Variants in BTNL9 observed in about 807,000 individuals in gnomAD.
BTNL9 encodes butyrophilin like 9, also known as butyrophilin-like protein 9.
In BTNL9, 45 loss-of-function variants were observed where a neutral mutation model predicts 45.8. That is an observed-to-expected ratio of 0.98 (90% confidence interval 0.77 to 1.26). The LOEUF (loss-of-function observed/expected upper bound fraction) is 1.26. BTNL9 is among the 50% of genes most tolerant of loss of function. The pLI is 0.00. For missense variants in BTNL9, 784 were observed against 729.7 expected (o/e 1.07, Z -0.86); for synonymous variants, 346 against 330.8 (o/e 1.05, Z -0.50).
rs1040157951 is a variant in BTNL9 at position 181,059,403 on chromosome 5, C to T, written c.1149C>T (p.Arg383=). The part of the protein sequence containing the change: ...ALSLERFSAG[R]HYWEVHVGRR... Reference sequence around the variant, plus strand: ...GCCTGGAGCGGTTCTCCGCCGGCCGCCACTACTGGGAGGTGCACGTGGGCC... The same window carrying T: ...GCCTGGAGCGGTTCTCCGCCGGCCGTCACTACTGGGAGGTGCACGTGGGCC... Residue 383 remains arginine (R), a synonymous_variant, in exon 11 of 11, where the codon CGC becomes CGT. Coordinates refer to ENST00000327705, the MANE Select transcript of BTNL9 (RefSeq NM_152547.5). The T allele has an allele frequency of 6.6e-7, 1 of 1,525,870 alleles. No individual in the cohort carries two copies. The highest frequency in any genetic ancestry group is 2.0e-5 in the Admixed American group (1 of 49,658). The allele number at this position is 1,525,870 out of a possible 1,614,324, so 94.5% of individuals were successfully genotyped here. A position where few individuals can be genotyped will look rare whatever the true frequency, so the allele number is the denominator to read the frequency against.
rs1180763777 is a variant in BTNL9, at chr5:181,050,061, C to T, written c.455-27C>T. The T allele has an allele frequency of 1.2e-6, 2 of 1,602,802 alleles. No individual in the cohort carries two copies. The highest frequency in any genetic ancestry group is 1.7e-6 in the Non-Finnish European group (2 of 1,174,236). On this transcript the variant is annotated intron_variant, in intron 3 of 10. Transcript: ENST00000327705. This position sits in a 1 kb window ranked among gnomAD's most constrained non-coding sequence, Gnocchi z 4.9. The stretch of plus-strand genomic sequence containing the variant: ...CGTGATTTCTCAGAAGAAGCCTGAC[C>T]TTTCCCACTCCTCCTGCCTCCACCA...
intron 6 of BTNL9, chr5:181,054,014 G>A: frequency 6.5e-7 from 1 of 1,540,248 alleles, no homozygotes; most frequent in Non-Finnish European, 8.7e-7. Context: ...AGGAGGGAGG[G>A]CGCTGGGTCA....
Position 181,053,610 on chromosome 5 carries a change from G to C in BTNL9, c.886+109G>C. 6.5e-7 allele frequency: 1 copy of C among 1,547,566 alleles called. No individual in the cohort carries two copies. ...GGGTTTATTCCAGCGCGAGGTGTCA[G>C]GGCGGCCACCGGGGAACGGGGATCG... On this transcript the variant is annotated intron_variant, in intron 6 of 10. Transcript: ENST00000327705. This position sits in a 1 kb window ranked among gnomAD's most constrained non-coding sequence, Gnocchi z 6.5.
intron 3 of BTNL9, among the ~76,000 whole-genome samples, chr5:181,049,726 G>A (rs1027795985): frequency 2.0e-5 from 3 of 152,182 alleles, no homozygotes; most frequent in African/African-American, 7.2e-5. Context: ...AGCTCTGGGG[G>A]AATTCAAGAG....
chr5:181,047,445 C>A, intron 2 of BTNL9: 1 of 975,754 alleles, frequency 1.0e-6, no homozygotes, highest in Non-Finnish European at 1.2e-6. Context: ...ATCAGACAAG[C>A]AAAAATGAGA....
rs1762102154 is a variant in BTNL9, at chr5:181,060,377, A to C, written c.*515A>C. 1 of 152,580 alleles carries C rather than the reference A, an allele frequency of 6.6e-6. No homozygotes were observed. The highest frequency in any genetic ancestry group is 1.9e-4 in the East Asian group (1 of 5,200). The allele number at this position is 152,580 out of a possible 1,614,324, so 9.5% of individuals were successfully genotyped here. ...GAACAGCTGCTTCTGGAGCCGGGGCAAAAATTTCAAGGTGAGCCTGGAGCA... is the reference window on the plus strand; with the variant it reads ...GAACAGCTGCTTCTGGAGCCGGGGCCAAAATTTCAAGGTGAGCCTGGAGCA... On this transcript the variant is annotated 3_prime_UTR_variant, in exon 11 of 11. Transcript: ENST00000327705.
chr5:181,058,436 GGA>G, intron 10 of BTNL9, 58 bp downstream of exon 10: 1 of 1,611,688 alleles, frequency 6.2e-7, no homozygotes, highest in Non-Finnish European at 8.5e-7. Flanking sequence ...TAAACAGAAG[GGA>G]GGTGGAGAGA....
In BTNL9 at chr5:181,061,512, T is replaced by G. The variant is rs966622062; in HGVS notation, c.*1650T>G. 6.6e-6 allele frequency: 1 copy of G among 152,204 alleles called. No homozygotes were observed. Among genetic ancestry groups the G allele is most frequent in the African/African-American group, 2.4e-5 (1 of 41,460 alleles). The allele number at this position is 152,204 out of a possible 1,614,324, so 9.4% of individuals were successfully genotyped here. On this transcript the variant is annotated 3_prime_UTR_variant, in exon 11 of 11. Transcript: ENST00000327705. ...AGTTCTGTAATAAAGGGGAAAACACTTTTTTTAAATACTCATATTCAAAAT... is the reference window on the plus strand; with the variant it reads ...AGTTCTGTAATAAAGGGGAAAACACGTTTTTTAAATACTCATATTCAAAAT...
chr5:181,049,840 T>C (rs1582131226), intron 3 of BTNL9, among the ~76,000 whole-genome samples: 1 of 152,214 alleles, frequency 6.6e-6, no homozygotes, highest in African/African-American at 2.4e-5. Flanking sequence ...CAGGAGCCCT[T>C]CCCCACCCAA....
In BTNL9 at chr5:181,050,232, C is replaced by T. The variant is rs746263568; in HGVS notation, c.599C>T (p.Ala200Val). 1.2e-6 allele frequency: 2 copies of T among 1,614,126 alleles called. No homozygotes were observed. Among genetic ancestry groups the T allele is most frequent in the Non-Finnish European group, 1.7e-6 (2 of 1,180,032 alleles). Residue 200 changes from alanine (A) to valine (V), a missense_variant, in exon 4 of 11, where the codon GCC (alanine) becomes GTC (valine). Physicochemically the swap from Ala to Val is moderately conservative, Grantham distance 64 (BLOSUM62 0). Coordinates refer to ENST00000327705, the MANE Select transcript of BTNL9 (RefSeq NM_152547.5). This position sits in a 1 kb window ranked among gnomAD's most constrained non-coding sequence, Gnocchi z 4.9. ...QGQCLPPEFE[A>V]IVWDAQDLFS... is the part of the protein sequence containing the mutation. The stretch of plus-strand genomic sequence containing the variant: ...CAGTGCCTGCCTCCAGAGTTTGAAG[C>T]CATCGTCTGGGATGCCCAGGACCTG...
rs1762109482 is a variant in BTNL9 at position 181,060,687 on chromosome 5, C to T, written c.*825C>T. ...GAACAGGCTGTTTCCAGTCTCAAAG[C>T]AGTAACCTTATACACTACTTATAAG... is the stretch of plus-strand genomic sequence containing the variant. On this transcript the variant is annotated 3_prime_UTR_variant, in exon 11 of 11. Transcript: ENST00000327705. 1 of 152,160 alleles carries T rather than the reference C, an allele frequency of 6.6e-6. No individual in the cohort carries two copies. The highest frequency in any genetic ancestry group is 2.1e-4 in the South Asian group (1 of 4,830). 9.4% of individuals were successfully genotyped at this position (152,160 alleles called of 1,614,324 possible). A position where few individuals can be genotyped will look rare whatever the true frequency, so the allele number is the denominator to read the frequency against.
At chr5:181,058,940 G>T (rs1762017638) in intron 10 of BTNL9, among the ~76,000 whole-genome samples, 1 of 151,962 alleles carries the variant, frequency 6.6e-6, no homozygotes, top group Admixed American at 6.6e-5. Flanking sequence ...CCTTCCCCTT[G>T]ACCGGGACGT....
chr5:181,050,401 T>C lies in BTNL9; in HGVS notation c.736+32T>C, dbSNP rs765755763. On this transcript the variant is annotated intron_variant, in intron 4 of 10. Coordinates refer to ENST00000327705, the MANE Select transcript of BTNL9 (RefSeq NM_152547.5). This position sits in a 1 kb window ranked among gnomAD's most constrained non-coding sequence, Gnocchi z 4.9. Reference sequence around the variant, plus strand: ...GGCTGTTAGCTCACACCCATCTTCCTAGTCCTCATGTGTACATACACATTG... The same window carrying C: ...GGCTGTTAGCTCACACCCATCTTCCCAGTCCTCATGTGTACATACACATTG... The C allele has an allele frequency of 6.2e-7, 1 of 1,607,576 alleles. No homozygotes were observed. The highest frequency in any genetic ancestry group is 1.3e-5 in the African/African-American group (1 of 74,872).
In BTNL9 at chr5:181,053,783, C is replaced by T. The variant is rs1761715108; in HGVS notation, c.886+282C>T. 2 of 1,523,642 alleles carry T rather than the reference C, an allele frequency of 1.3e-6. No individual in the cohort carries two copies. The highest frequency in any genetic ancestry group is 1.8e-6 in the Non-Finnish European group (2 of 1,138,718). The allele number at this position is 1,523,642 out of a possible 1,614,324, so 94.4% of individuals were successfully genotyped here. A position where few individuals can be genotyped will look rare whatever the true frequency, so the allele number is the denominator to read the frequency against. ...CCTCGGAGCTTCACATCACACTGTA[C>T]AGAGGGAGCGGTGACCAGGGTCTCT... On this transcript the variant is annotated intron_variant, in intron 6 of 10. Transcript: ENST00000327705. This position sits in a 1 kb window ranked among gnomAD's most constrained non-coding sequence, Gnocchi z 6.5.
intron 2 of BTNL9, among the ~76,000 whole-genome samples, chr5:181,045,857 C>A (rs1167055540): frequency 3.5e-5 from 4 of 115,306 alleles, no homozygotes; most frequent in Non-Finnish European, 5.5e-5. Context: ...ATCTCCCCAG[C>A]CTGTAGTGTT....
intron 7 of BTNL9, 138 bp downstream of exon 7, chr5:181,054,397 C>T (rs1761765187): frequency 1.3e-6 from 2 of 1,510,372 alleles, no homozygotes; most frequent in Non-Finnish European, 1.8e-6. Context: ...CACCTCTTCC[C>T]TTGCTAAGGG....
intron 3 of BTNL9, among the ~76,000 whole-genome samples, chr5:181,049,698 G>A (rs558569962): frequency 1.3e-5 from 2 of 152,232 alleles, no homozygotes; most frequent in African/African-American, 4.8e-5. Flanking sequence ...AAGGGAGTGT[G>A]TATAATGCAG....
rs1417145525 is a variant in BTNL9, at chr5:181,055,461, A to G, written c.928+8A>G. The G allele has an allele frequency of 1.2e-6, 2 of 1,613,716 alleles. No homozygotes were observed. The highest frequency in any genetic ancestry group is 1.3e-5 in the African/African-American group (1 of 74,878). On this transcript the variant is annotated splice_region_variant and intron_variant, in intron 8 of 10. Coordinates refer to ENST00000327705, the MANE Select transcript of BTNL9 (RefSeq NM_152547.5). This position sits in a 1 kb window ranked among gnomAD's most constrained non-coding sequence, Gnocchi z 4.4. ...AGCTTCAGACAGAGCTTGGTAAGTG[A>G]CCCCTCTTAGAACTATTTCTCCTCA...
intron 6 of BTNL9, 170 bp from the exon 7 acceptor site, chr5:181,054,069 C>T: frequency 6.5e-7 from 1 of 1,547,260 alleles, no homozygotes; most frequent in Non-Finnish European, 8.7e-7. Context: ...CTTCCCCATC[C>T]CCTGCCTGGA....
Sources: allele counts gnomAD v4.1 joint callset (sites outside exome capture counted in the v4.1 genomes callset), GRCh38; gene constraint gnomAD v4.1.1; non-coding constraint Gnocchi (gnomAD v3.1); transcripts MANE v1.5; gene names NCBI Gene and HGNC (gene_info 2026-07-23, HGNC 2026-07-21).